The following ATAD2B variants were observed in gnomAD, a reference collection of about 807,000 sequenced individuals.
The protein encoded by ATAD2B is ATPase family AAA domain-containing protein 2B.
In ATAD2B, 40 loss-of-function variants were observed where a neutral mutation model predicts 167.6. The ratio of observed to expected loss-of-function variants is 0.24; its 90% CI spans 0.19 to 0.31. ATAD2B has a LOEUF of 0.31. ATAD2B is among the 10% of genes least tolerant of loss of function. The pLI, the probability that ATAD2B is intolerant of heterozygous loss-of-function variation, is 1.00. For synonymous variants in ATAD2B, 579 were observed against 596.5 expected (o/e 0.97, Z 0.43); for missense variants, 1,242 against 1,757.2 (o/e 0.71, Z 5.24).
intron 1 of ATAD2B, among the ~76,000 whole-genome samples, chr2:23,904,869 G>T (rs1701291772): frequency 6.6e-6 from 1 of 152,054 alleles, no homozygotes; most frequent in South Asian, 2.1e-4. Flanking sequence ...CAGAGGCAGT[G>T]GTTACCATGA....
chr2:23,782,733 G>A (rs1462808040), intron 22 of ATAD2B, 136 bp downstream of exon 22: 1 of 603,792 alleles, frequency 1.7e-6, no homozygotes, highest in African/African-American at 1.9e-5. Flanking sequence ...TAGGCTATGA[G>A]CTTCTTATTG....
At chr2:23,911,883 G>T (rs1702359908) in intron 1 of ATAD2B, among the ~76,000 whole-genome samples, 1 of 151,328 alleles carries the variant, frequency 6.6e-6, no homozygotes, top group Non-Finnish European at 1.5e-5. Context: ...GCTGGGGCAG[G>T]AGAATTGCTC....
At chr2:23,683,004 G>A in the ATAD2B span, among the ~76,000 whole-genome samples, 1 of 152,236 alleles carries the variant, frequency 6.6e-6, no homozygotes, top group Non-Finnish European at 1.5e-5. Context: ...GCAGAGCCCA[G>A]TGTGTCCTCA....
At chr2:23,691,211 A>T in the ATAD2B span, 13 of 208,200 alleles carry the variant, frequency 6.2e-5, no homozygotes, top group South Asian at 8.8e-5. Context: ...CGATCAGAGG[A>T]TATCTCTGGA....
rs74655790 is a variant in ATAD2B, at chr2:23,769,060, C to T, written c.3134-3432G>A. Among the ~76,000 whole-genome samples the T allele has an allele frequency of 4.1e-3, 630 of 152,284 alleles. 12 individuals are homozygous for T. The highest frequency in any genetic ancestry group is 0.018 in the East Asian group (96 of 5,192). ...GAATGGCTAGGTCAAATGATAGGTA[C>T]GGTTCTTCAGCAACCGCAGGGGATT... On this transcript the variant is annotated intron_variant, in intron 22 of 27. Transcript: ENST00000238789.
rs757200809 is a variant in ATAD2B, at chr2:23,918,028, C to T, written c.216+8527G>A. On this transcript the variant is annotated intron_variant, in intron 1 of 27. Transcript: ENST00000238789. The stretch of plus-strand genomic sequence containing the variant: ...AGTCATTGAACTCCAGCCTGGGCAA[C>T]AAGAGCGAAACTCCATCTCAAAAAA... Among the ~76,000 whole-genome samples, 58 of 151,322 alleles carry T rather than the reference C, an allele frequency of 3.8e-4. 1 individual carries two copies. Among genetic ancestry groups the T allele is most frequent in the Middle Eastern group, 3.4e-3 (1 of 292 alleles).
At chr2:23,696,228 G>A in the ATAD2B span, 30 of 1,490,974 alleles carry the variant, frequency 2.0e-5, no homozygotes, top group Non-Finnish European at 5.4e-6. This position sits in a 1 kb window ranked among gnomAD's most constrained non-coding sequence, Gnocchi z 5.5. Context: ...GCCCAGAAGT[G>A]TCTACTTTGC....
chr2:23,698,018 G>GATAA, the ATAD2B span: 12 of 152,332 alleles, frequency 7.9e-5, no homozygotes, highest in African/African-American at 2.9e-4. Context: ...TTATACTGTT[G>GATAA]ATAAATATAG....
downstream of ATAD2B, among the ~76,000 whole-genome samples, chr2:23,744,440 T>C (rs1572599594): frequency 6.6e-6 from 1 of 152,220 alleles, no homozygotes; most frequent in South Asian, 2.1e-4. Flanking sequence ...TTATAGACAT[T>C]TTTAAACCCA....
At chr2:23,906,478 T>C (rs1353674348) in intron 1 of ATAD2B, among the ~76,000 whole-genome samples, 1 of 152,124 alleles carries the variant, frequency 6.6e-6, no homozygotes, top group Non-Finnish European at 1.5e-5. Context: ...AGGCTCCTGG[T>C]CGATTTGGGG....
intron 1 of ATAD2B, among the ~76,000 whole-genome samples, chr2:23,919,019 G>C (rs2150647141): frequency 6.6e-6 from 1 of 152,216 alleles, no homozygotes; most frequent in African/African-American, 2.4e-5. Flanking sequence ...CCTTATTAGG[G>C]CAAAATGCAA....
At position 23,808,034 on chromosome 2, in the gene ATAD2B, GTAAT is replaced by G. The variant is rs1424091766; in HGVS notation, c.2454+2278_2454+2281del. 1.0e-4 allele frequency among the ~76,000 whole-genome samples: 3 copies of G among 29,788 alleles called. No individual in the cohort carries two copies. In the East Asian group the frequency reaches 3.2e-3, roughly 32 times the overall value. 19.5% of individuals were successfully genotyped at this position (29,788 alleles called of 152,430 possible). A position where few individuals can be genotyped will look rare whatever the true frequency, so the allele number is the denominator to read the frequency against. ...TATATATTATTTATTTATTATATAT[GTAAT>G]TTATTTATATATAAGTAACTATAAA... On this transcript the variant is annotated intron_variant, in intron 18 of 27. Coordinates refer to ENST00000238789, the MANE Select transcript of ATAD2B (RefSeq NM_017552.4).
chr2:23,871,351 C>T (rs757325263), intron 8 of ATAD2B, among the ~76,000 whole-genome samples: 1 of 152,120 alleles, frequency 6.6e-6, no homozygotes, highest in South Asian at 2.1e-4. Flanking sequence ...TGCTCTCCAC[C>T]TCTGCAATTT....
At chr2:23,883,488 A>G (rs1258579288) in intron 6 of ATAD2B, 2 of 467,606 alleles carry the variant, frequency 4.3e-6, no homozygotes, top group Non-Finnish European at 7.0e-6. Context: ...GTACAGTAAC[A>G]CAGTATTACA....
the ATAD2B span, among the ~76,000 whole-genome samples, chr2:23,700,793 T>G: frequency 1.3e-5 from 2 of 152,214 alleles, no homozygotes; most frequent in Non-Finnish European, 2.9e-5. This position sits in a 1 kb window ranked among gnomAD's most constrained non-coding sequence, Gnocchi z 4.6. Flanking sequence ...AGCAGTGGCC[T>G]GCTGGAGATT....
chr2:23,709,686 G>A, the ATAD2B span, among the ~76,000 whole-genome samples: 3,651 of 152,202 alleles, frequency 0.024, 59 homozygotes, highest in Non-Finnish European at 0.035. Flanking sequence ...GCGAGAGAGG[G>A]AGATGTTGAG....
At chr2:23,831,771 C>T (rs1689111021) in intron 14 of ATAD2B, among the ~76,000 whole-genome samples, 1 of 152,160 alleles carries the variant, frequency 6.6e-6, no homozygotes, top group Non-Finnish European at 1.5e-5. Context: ...ACGCTAAATC[C>T]TATCACTTTT....
rs1275263566 is a variant in ATAD2B at position 23,867,912 on chromosome 2, C to T, written c.1111G>A (p.Ala371Thr). ...ACTCGTTCTCGGAGAATACCGCTAG[C>T]TAAGTCCTCTGCTCTGAAGTTCATA... ...LPMNFRAEDL[A>T]SGILRERVKV... Residue 371 changes from alanine to threonine, a missense_variant, in exon 10 of 28, where the codon GCT (alanine) becomes ACT (threonine). Around this residue, in one of 9 missense-constraint regions of ATAD2B, gnomAD observed 127 missense variants for 146.3 expected, o/e 0.87. Coordinates refer to ENST00000238789, the MANE Select transcript of ATAD2B (RefSeq NM_017552.4). 1 of 1,613,758 alleles carries T rather than the reference C, an allele frequency of 6.2e-7. No homozygotes were observed. Among genetic ancestry groups the T allele is most frequent in the East Asian group, 2.2e-5 (1 of 44,872 alleles).
chr2:23,866,758 A>T (rs566801999), intron 10 of ATAD2B, among the ~76,000 whole-genome samples: 22 of 152,324 alleles, frequency 1.4e-4, no homozygotes, highest in Admixed American at 4.6e-4. Flanking sequence ...CTTCAAGTAT[A>T]TATGCAATTC....
Sources: allele counts gnomAD v4.1 joint callset (sites outside exome capture counted in the v4.1 genomes callset), GRCh38; gene constraint gnomAD v4.1.1; regional missense constraint gnomAD v4.1.1; non-coding constraint Gnocchi (gnomAD v3.1); transcripts MANE v1.5; gene names NCBI Gene and HGNC (gene_info 2026-07-23, HGNC 2026-07-21).